Variants in WBP1 observed in about 807,000 individuals in gnomAD.
WBP1 encodes the protein WW domain-binding protein 1.
A neutral mutation model predicts 25.6 loss-of-function variants in WBP1; 18 were observed. The ratio of observed to expected loss-of-function variants is 0.70; its 90% CI spans 0.49 to 1.04. The LOEUF (loss-of-function observed/expected upper bound fraction) is 1.04, where lower values mean the gene tolerates loss of function less well. WBP1 is among the 50% of genes least tolerant of loss of function. The pLI, the probability that WBP1 is intolerant of heterozygous loss-of-function variation, is 0.00. For synonymous variants in WBP1, 122 were observed against 137.7 expected, an observed-to-expected ratio of 0.89 and a Z score of 0.80; for missense variants, 330 against 352.9, an observed-to-expected ratio of 0.94 and a Z score of 0.52.
At position 74,460,044 on chromosome 2, in the gene WBP1, A is replaced by G. The variant is rs1190511522; in HGVS notation, c.344A>G (p.Asp115Gly). Residue 115 changes from aspartate to glycine, a missense_variant, in exon 3 of 4, where the codon GAC (aspartate) becomes GGC (glycine). Coordinates refer to ENST00000233615, the MANE Select transcript of WBP1 (RefSeq NM_012477.4). The stretch of plus-strand genomic sequence containing the variant: ...CCTTTCCCTACCGGTTCACTGCTTG[A>G]CCTTCGTGAGTGACTTGATGCCCTG... ...AGPFPTGSLL[D>G]LRFLSTFKPP... 6.2e-7 allele frequency: 1 copy of G among 1,612,226 alleles called. No homozygotes were observed. Among genetic ancestry groups the G allele is most frequent in the Non-Finnish European group, 8.5e-7 (1 of 1,178,602 alleles).
At chr2:74,459,766 T>C (rs755632193) in intron 2 of WBP1, 21 bp downstream of exon 2, 5 of 1,614,128 alleles carry the variant, frequency 3.1e-6, no homozygotes, top group Non-Finnish European at 3.4e-6. Context: ...AAGAGGGCTA[T>C]TTCCAGGTCC....
At position 74,460,230 on chromosome 2, in the gene WBP1, G is replaced by A. The variant is rs1284398334; in HGVS notation, c.359G>A (p.Ser120Asn). Residue 120 changes from serine to asparagine, a missense_variant, in exon 4 of 4, where the codon AGC becomes AAC. Physicochemically the swap from Ser to Asn is conservative, Grantham distance 46. Transcript: ENST00000233615. ...TGSLLDLRFL[S>N]TFKPPAYEDV... is the part of the protein sequence containing the mutation. Reference sequence around the variant, plus strand: ...ATTTTCTCCCCTGCAGGCTTCCTCAGCACCTTCAAGCCCCCAGCCTACGAG... The same window carrying A: ...ATTTTCTCCCCTGCAGGCTTCCTCAACACCTTCAAGCCCCCAGCCTACGAG... 3.1e-6 allele frequency: 5 copies of A among 1,609,466 alleles called. No individual in the cohort carries two copies. The highest frequency in any genetic ancestry group is 4.2e-6 in the Non-Finnish European group (5 of 1,176,820).
At position 74,460,026 on chromosome 2, in the gene WBP1, C is replaced by T. The variant is rs1489221348; in HGVS notation, c.326C>T (p.Pro109Leu). The T allele has an allele frequency of 1.2e-6, 2 of 1,613,912 alleles. No individual in the cohort carries two copies. Among genetic ancestry groups the T allele is most frequent in the South Asian group, 1.1e-5 (1 of 91,084 alleles). The change falls in exon 3 of 4, where the codon CCT (proline) becomes CTT (leucine). Residue 109 changes from proline (P) to leucine (L), a missense_variant. Transcript: ENST00000233615. ...GCATGCCATGGGGCTGGTCCTTTCC[C>T]TACCGGTTCACTGCTTGACCTTCGT... ...HGACHGAGPF[P>L]TGSLLDLRFL...
In WBP1 at chr2:74,458,518, C is replaced by A; in HGVS notation, c.-85C>A. On this transcript the variant is annotated 5_prime_UTR_variant, in exon 1 of 4. Transcript: ENST00000233615. The stretch of plus-strand genomic sequence containing the variant: ...TCAGCGAAGATGGGCCGGGCAGGGA[C>A]CATGGCGGTGGCAGCAGAGGTGGCA... 2.6e-6 allele frequency: 4 copies of A among 1,517,596 alleles called. No homozygotes were observed. Among genetic ancestry groups the A allele is most frequent in the Admixed American group, 2.1e-5 (1 of 48,636 alleles). 94.0% of individuals were successfully genotyped at this position (1,517,596 alleles called of 1,614,324 possible). A position where few individuals can be genotyped will look rare whatever the true frequency, so the allele number is the denominator to read the frequency against.
At chr2:74,459,380 TATATGCA>T (rs1671820699) in intron 1 of WBP1, 2 of 633,074 alleles carry the variant, frequency 3.2e-6, no homozygotes, top group South Asian at 4.0e-5. Context: ...GGAAGTCTCA[TATATGCA>T]GAGCTGAAAT....
At chr2:74,459,325 G>T in intron 1 of WBP1, 1 of 636,064 alleles carries the variant, frequency 1.6e-6, no homozygotes. Flanking sequence ...AAGCACCGAG[G>T]GGATGGGGGT....
chr2:74,460,710 T>C lies in WBP1; in HGVS notation c.*29T>C, dbSNP rs1393150699. 6.6e-7 allele frequency: 1 copy of C among 1,517,518 alleles called. No homozygotes were observed. The highest frequency in any genetic ancestry group is 8.9e-7 in the Non-Finnish European group (1 of 1,127,170). 94.0% of individuals were successfully genotyped at this position (1,517,518 alleles called of 1,614,324 possible). On this transcript the variant is annotated 3_prime_UTR_variant, in exon 4 of 4. Coordinates refer to ENST00000233615, the MANE Select transcript of WBP1 (RefSeq NM_012477.4). ...GTTTTGAGAGGGTGGATGGGTTACTTGCCCACCAGAAACAGCCCTAGTCCC... is the reference window on the plus strand; with the variant it reads ...GTTTTGAGAGGGTGGATGGGTTACTCGCCCACCAGAAACAGCCCTAGTCCC...
intron 1 of WBP1, chr2:74,459,307 T>TAA: frequency 1.8e-6 from 1 of 569,866 alleles, no homozygotes; most frequent in East Asian, 3.9e-5. Context: ...AAACACTCCC[T>TAA]TAACAGAAAG....
In WBP1 at chr2:74,460,611, C is replaced by T. The variant is rs749740508; in HGVS notation, c.740C>T (p.Ala247Val). ...GATCTGGAGGACTACTCCCCGTGTG[C>T]ACTACCCCCAGAGTCTGTACCGCAG... is the stretch of plus-strand genomic sequence containing the variant. ...LPDLEDYSPC[A>V]LPPESVPQIF... Residue 247 changes from alanine (A) to valine (V), a missense_variant, in exon 4 of 4, where the codon GCA becomes GTA. Transcript: ENST00000233615. The T allele has an allele frequency of 4.3e-6, 7 of 1,611,662 alleles. No individual in the cohort carries two copies. The African/African-American group carries it at 6.7e-5, about 15-fold the overall frequency.
chr2:74,460,487 C>G lies in WBP1; in HGVS notation c.616C>G (p.Arg206Gly), dbSNP rs143298451. The change falls in exon 4 of 4, where the codon CGC becomes GGC. Residue 206 changes from arginine (R) to glycine (G), a missense_variant. Coordinates refer to ENST00000233615, the MANE Select transcript of WBP1 (RefSeq NM_012477.4). Reference sequence around the variant, plus strand: ...CTCCACACCCCCCTCCTGCCGCTATCGCCGTTTAACTGGCGACTCCGGTAT... The same window carrying G: ...CTCCACACCCCCCTCCTGCCGCTATGGCCGTTTAACTGGCGACTCCGGTAT... The part of the protein sequence containing the change: ...PASTPPSCRY[R>G]RLTGDSGIEL... 35 of 1,613,456 alleles carry G rather than the reference C, an allele frequency of 2.2e-5. No homozygotes were observed. In the African/African-American group the frequency reaches 3.2e-4, roughly 15 times the overall value.
chr2:74,459,335 TAGGGGGG>T, intron 1 of WBP1: 5 of 443,654 alleles, frequency 1.1e-5, no homozygotes, highest in East Asian at 3.8e-5. Context: ...GGGATGGGGG[TAGGGGGG>T]TTGGGGAGAG....
intron 1 of WBP1, chr2:74,458,888 C>G: frequency 2.6e-6 from 4 of 1,550,700 alleles, no homozygotes; most frequent in Non-Finnish European, 3.5e-6. Context: ...GCAGTGGAAG[C>G]TTGCGGTGGC....
At chr2:74,458,901 T>TC (rs1671797206) in intron 1 of WBP1, 1 of 1,550,804 alleles carries the variant, frequency 6.4e-7, no homozygotes, top group Non-Finnish European at 8.7e-7. Flanking sequence ...GCGGTGGCTC[T>TC]CCAGTGACCA....
chr2:74,459,775 C>T (rs779380136), intron 2 of WBP1, 30 bp downstream of exon 2: 3 of 1,613,904 alleles, frequency 1.9e-6, no homozygotes, highest in Non-Finnish European at 2.5e-6. Flanking sequence ...ATTTCCAGGT[C>T]CCTGTGTCCA....
chr2:74,459,176 A>C, intron 1 of WBP1: 5 of 1,515,212 alleles, frequency 3.3e-6, no homozygotes, highest in South Asian at 1.2e-5. Flanking sequence ...GGAAAGATCC[A>C]GTTGCGGGTG....
chr2:74,460,595 G>T lies in WBP1; in HGVS notation c.724G>T (p.Asp242Tyr). 1 of 1,613,366 alleles carries T rather than the reference G, an allele frequency of 6.2e-7. No homozygotes were observed. Among genetic ancestry groups the T allele is most frequent in the Non-Finnish European group, 8.5e-7 (1 of 1,179,636 alleles). The change falls in exon 4 of 4, where the codon GAC becomes TAC. Residue 242 changes from aspartate (D) to tyrosine (Y), a missense_variant. Asp to Tyr is a radical substitution (Grantham distance 160, BLOSUM62 -3). Transcript: ENST00000233615. ...RVSATLPDLE[D>Y]YSPCALPPES... ...TAGTGCCACCCTGCCAGATCTGGAG[G>T]ACTACTCCCCGTGTGCACTACCCCC...
chr2:74,460,029 C>G lies in WBP1; in HGVS notation c.329C>G (p.Thr110Ser). ...GACHGAGPFPTGSLLDLRFLS... is the reference protein window; with the variant it reads ...GACHGAGPFPSGSLLDLRFLS... Reference sequence around the variant, plus strand: ...TGCCATGGGGCTGGTCCTTTCCCTACCGGTTCACTGCTTGACCTTCGTGAG... The same window carrying G: ...TGCCATGGGGCTGGTCCTTTCCCTAGCGGTTCACTGCTTGACCTTCGTGAG... Residue 110 changes from threonine (T) to serine (S), a missense_variant, in exon 3 of 4, where the codon ACC becomes AGC. Transcript: ENST00000233615. The G allele has an allele frequency of 6.2e-7, 1 of 1,613,772 alleles. No homozygotes were observed. The highest frequency in any genetic ancestry group is 8.5e-7 in the Non-Finnish European group (1 of 1,179,704).
At chr2:74,459,511 C>T in intron 1 of WBP1, 132 bp from the exon 2 acceptor site, 1 of 805,646 alleles carries the variant, frequency 1.2e-6, no homozygotes, top group Non-Finnish European at 2.1e-6. Context: ...TCTCAGCATC[C>T]TCCACTTCCC....
Position 74,459,890 on chromosome 2 carries a change from A to C in WBP1, c.190A>C (p.Thr64Pro). The C allele has an allele frequency of 6.2e-7, 1 of 1,614,048 alleles. No individual in the cohort carries two copies. Residue 64 changes from threonine to proline, a missense_variant, in exon 3 of 4, where the codon ACT becomes CCT. Transcript: ENST00000233615. ...YELWWFWLLW[T>P]VLILFSCCCA... ...TCTTGCAGGGTTCTGGCTGCTCTGG[A>C]CTGTCCTCATCCTCTTTAGCTGCTG...
Sources: gnomAD v4.1 joint callset for allele counts on GRCh38, gnomAD v4.1.1 for gene constraint, MANE v1.5 for transcripts, NCBI Gene and HGNC (gene_info 2026-07-23, HGNC 2026-07-21) for gene names.